The following NCOA3 variants were observed in gnomAD, a reference collection of about 807,000 sequenced individuals.
NCOA3 encodes CBP-interacting protein.
NCOA3 carries 51 observed loss-of-function variants against 158.8 expected under a neutral mutation model. The ratio of observed to expected loss-of-function variants is 0.32; its 90% CI spans 0.26 to 0.41. NCOA3 has a LOEUF of 0.41. NCOA3 is among the 10% of genes least tolerant of loss of function. NCOA3 has a pLI of 1.00. For missense variants in NCOA3, 1,510 were observed against 1,746.6 expected (o/e 0.86, Z 2.41); for synonymous variants, 537 against 592.4 (o/e 0.91, Z 1.36).
chr20:47,652,556 C>T lies in NCOA3; in HGVS notation c.4097C>T (p.Pro1366Leu). The T allele has an allele frequency of 6.2e-7, 1 of 1,609,670 alleles. No individual in the cohort carries two copies. The highest frequency in any genetic ancestry group is 8.5e-7 in the Non-Finnish European group (1 of 1,176,248). Residue 1366 changes from proline (P) to leucine (L), a missense_variant, in exon 21 of 23, where the codon CCA (proline) becomes CTA (leucine). Pro to Leu is a moderately conservative substitution (Grantham distance 98). Transcript: ENST00000371998. ...IYQSSEMKGW[P>L]SGNLARNSSF... is the part of the protein sequence containing the mutation. ...CAGTCCTCAGAAATGAAGGGCTGGCCATCAGGAAATTTGGCCAGGAACAGG... is the reference window on the plus strand; with the variant it reads ...CAGTCCTCAGAAATGAAGGGCTGGCTATCAGGAAATTTGGCCAGGAACAGG...
chr20:47,647,638 A>G (rs2086710533), intron 18 of NCOA3, among the ~76,000 whole-genome samples: 1 of 152,224 alleles, frequency 6.6e-6, no homozygotes, highest in South Asian at 2.1e-4. Context: ...GTAGTCTTAA[A>G]GGTAGATAAG....
At chr20:47,594,160 G>A (rs574858455) in intron 2 of NCOA3, among the ~76,000 whole-genome samples, 4 of 152,258 alleles carry the variant, frequency 2.6e-5, no homozygotes, top group Admixed American at 2.6e-4. Context: ...AACACATGTT[G>A]CCAGATGGGA....
intron 2 of NCOA3, among the ~76,000 whole-genome samples, chr20:47,608,272 T>C (rs370072787): frequency 2.2e-4 from 33 of 152,062 alleles, no homozygotes; most frequent in African/African-American, 7.5e-4. Flanking sequence ...GATTGCGGCA[T>C]TGCACTCCAG....
chr20:47,522,099 C>CTTTTTTTTTTTTTTTTTTTTTTTTTTT (rs772811888), intron 1 of NCOA3, among the ~76,000 whole-genome samples: 6 of 76,816 alleles, frequency 7.8e-5, no homozygotes, highest in Non-Finnish European at 1.5e-4. Flanking sequence ...TTGTACAGAT[C>CTTTTTTTTTTTTTTTTTTTTTTTTTTT]TTTTTTTTTT....
At position 47,635,399 on chromosome 20, in the gene NCOA3, C is replaced by A. The variant is rs746732554; in HGVS notation, c.1190C>A (p.Ser397Ter). 6.2e-7 allele frequency: 1 copy of A among 1,614,020 alleles called. No individual in the cohort carries two copies. Among genetic ancestry groups the A allele is most frequent in the Non-Finnish European group, 8.5e-7 (1 of 1,180,024 alleles). Residue 397 changes from serine (S) to a stop codon, truncating the protein, a stop_gained, in exon 11 of 23, where the codon TCG becomes TAG. Coordinates refer to ENST00000371998, the MANE Select transcript of NCOA3 (RefSeq NM_181659.3). LOFTEE classifies it high-confidence loss of function. ...IRPPMAGCNSSVGGMSMSPNQ... is the reference protein window; with the variant it reads ...IRPPMAGCNS ...CCACCTATGGCTGGATGCAACAGTT[C>A]GGTAGGCGGCATGAGTATGTCGCCA... is the stretch of plus-strand genomic sequence containing the variant.
chr20:47,644,887 G>A (rs572895616), intron 17 of NCOA3, among the ~76,000 whole-genome samples: 55 of 151,898 alleles, frequency 3.6e-4, no homozygotes, highest in South Asian at 8.3e-4. Context: ...TAGTAAAGAC[G>A]GGGTTTCACC....
At chr20:47,580,284 G>A (rs1175455420) in intron 1 of NCOA3, among the ~76,000 whole-genome samples, 3 of 151,882 alleles carry the variant, frequency 2.0e-5, no homozygotes, top group Admixed American at 1.3e-4. Context: ...TCCTTTCCTG[G>A]CCGGGCACGG....
intron 8 of NCOA3, among the ~76,000 whole-genome samples, chr20:47,632,757 A>G (rs1046636631): frequency 6.7e-6 from 1 of 149,868 alleles, no homozygotes; most frequent in African/African-American, 2.5e-5. Flanking sequence ...ATCTCGGCTC[A>G]CTGCAACCTC....
At chr20:47,546,903 T>G (rs2084838804) in intron 1 of NCOA3, among the ~76,000 whole-genome samples, 1 of 152,160 alleles carries the variant, frequency 6.6e-6, no homozygotes, top group African/African-American at 2.4e-5. Context: ...GTACCGTTCT[T>G]CATCCAGTGC....
chr20:47,511,580 T>G (rs2084142539), intron 1 of NCOA3, among the ~76,000 whole-genome samples: 1 of 109,344 alleles, frequency 9.1e-6, no homozygotes, highest in Non-Finnish European at 1.9e-5. Flanking sequence ...TGAGACGGTC[T>G]TGCTCTGTCA....
chr20:47,594,283 A>G (rs572812163), intron 2 of NCOA3, among the ~76,000 whole-genome samples: 1 of 152,278 alleles, frequency 6.6e-6, no homozygotes, highest in African/African-American at 2.4e-5. Flanking sequence ...TGATTGACGG[A>G]TCAGATTCTA....
At chr20:47,645,869 C>T (rs2086678215) in intron 17 of NCOA3, among the ~76,000 whole-genome samples, 3 of 152,016 alleles carry the variant, frequency 2.0e-5, no homozygotes, top group Admixed American at 2.0e-4. Context: ...TGGGAAGGGT[C>T]ATAAGGGTGA....
At chr20:47,544,902 T>C (rs984090906) in intron 1 of NCOA3, among the ~76,000 whole-genome samples, 1 of 152,198 alleles carries the variant, frequency 6.6e-6, no homozygotes, top group African/African-American at 2.4e-5. Context: ...ATTTGGGTCA[T>C]CTGGAATTCA....
intron 16 of NCOA3, among the ~76,000 whole-genome samples, chr20:47,641,540 T>C (rs2086610983): frequency 7.8e-6 from 1 of 127,618 alleles, no homozygotes; most frequent in African/African-American, 3.0e-5. Context: ...TTGCTCTCTC[T>C]CCCAGCCTGG....
intron 1 of NCOA3, among the ~76,000 whole-genome samples, chr20:47,572,022 C>G (rs986491597): frequency 2.0e-5 from 3 of 152,216 alleles, no homozygotes; most frequent in Admixed American, 2.0e-4. Flanking sequence ...GCCACTACAC[C>G]TGGCCCTTTC....
chr20:47,600,998 A>C (rs1267137504), intron 2 of NCOA3, among the ~76,000 whole-genome samples: 5 of 152,154 alleles, frequency 3.3e-5, no homozygotes, highest in Non-Finnish European at 5.9e-5. Context: ...AGAATGTCTT[A>C]GTCTGCTTTC....
At chr20:47,608,908 G>A (rs966910268) in intron 2 of NCOA3, among the ~76,000 whole-genome samples, 4 of 152,094 alleles carry the variant, frequency 2.6e-5, no homozygotes, top group Admixed American at 6.5e-5. Flanking sequence ...GCTTAAATAC[G>A]GAGGAGGTCT....
intron 8 of NCOA3, among the ~76,000 whole-genome samples, chr20:47,629,664 AT>A (rs2146309957): frequency 6.6e-6 from 1 of 152,234 alleles, no homozygotes; most frequent in Admixed American, 6.5e-5. Context: ...TTTTCTCTGT[AT>A]TAACTCCCCT....
intron 16 of NCOA3, among the ~76,000 whole-genome samples, chr20:47,640,566 A>T (rs558818858): frequency 1.1e-3 from 165 of 152,326 alleles, no homozygotes; most frequent in African/African-American, 3.7e-3. Flanking sequence ...ACTATATAGC[A>T]TCTTTAAAAT....
Sources: gnomAD v4.1 joint callset for allele counts (sites outside exome capture counted in the v4.1 genomes callset) on GRCh38, gnomAD v4.1.1 for gene constraint, MANE v1.5 for transcripts, NCBI Gene and HGNC (gene_info 2026-07-23, HGNC 2026-07-21) for gene names.